Variants in BIRC6 observed in about 807,000 individuals in gnomAD.
BIRC6 encodes the protein dual E2 ubiquitin-conjugating enzyme/E3 ubiquitin-protein ligase BIRC6.
In BIRC6, 98 loss-of-function variants were observed where a neutral mutation model predicts 503.3. The observed-to-expected ratio is 0.19, with a 90% confidence interval of 0.17 to 0.23. The LOEUF is 0.23. BIRC6 is among the 10% of genes least tolerant of loss of function. The pLI, the probability that BIRC6 is intolerant of heterozygous loss-of-function variation, is 1.00. For missense variants in BIRC6, 5,360 were observed against 5,806.0 expected (o/e 0.92, Z 2.50); for synonymous variants, 2,240 against 2,078.7 (o/e 1.08, Z -2.11).
intron 57 of BIRC6, chr2:32,522,466 G>A (rs2055834111): frequency 6.6e-6 from 1 of 152,026 alleles, no homozygotes; most frequent in Admixed American, 6.6e-5. Flanking sequence ...GTAATTATTG[G>A]TAATTTTTAT....
At chr2:32,518,630 T>G (rs1261520194) in intron 56 of BIRC6, among the ~76,000 whole-genome samples, 187 bp from the exon 57 acceptor site, 1 of 151,902 alleles carries the variant, frequency 6.6e-6, no homozygotes, top group Admixed American at 6.5e-5. Context: ...TGGAAAAAAA[T>G]GAAAAAAGGT....
intron 66 of BIRC6, 88 bp downstream of exon 66, chr2:32,575,454 A>G (rs2151038006): frequency 7.7e-7 from 1 of 1,297,808 alleles, no homozygotes; most frequent in East Asian, 2.3e-5. Context: ...TTTCAGTGAT[A>G]TGTGCTTTTT....
Position 32,401,694 on chromosome 2 carries a change from C to G in BIRC6, c.1418+71C>G. On this transcript the variant is annotated intron_variant, in intron 8 of 73. Coordinates refer to ENST00000421745, the MANE Select transcript of BIRC6 (RefSeq NM_016252.4). ...TCCTAAATTTTATATTCTCATAGTT[C>G]TAATAATTAAAGAGGAGGAAAAAAA... The G allele has an allele frequency of 5.9e-6, 8 of 1,351,212 alleles. No individual in the cohort carries two copies. The South Asian group carries it at 7.9e-5, about 13-fold the overall frequency. 83.7% of individuals were successfully genotyped at this position (1,351,212 alleles called of 1,614,324 possible).
At chr2:32,429,082 T>C in intron 10 of BIRC6, 64 bp from the exon 11 acceptor site, 1 of 1,361,060 alleles carries the variant, frequency 7.3e-7, no homozygotes, top group Non-Finnish European at 1.0e-6. Flanking sequence ...CTAAGTAGTA[T>C]TACATTTGAA....
intron 14 of BIRC6, 86 bp downstream of exon 14, chr2:32,435,671 C>A: frequency 7.4e-7 from 1 of 1,349,654 alleles, no homozygotes. Context: ...TTCCTTATGG[C>A]TTGCAAAAAC....
At chr2:32,545,223 A>G (rs944895097) in intron 62 of BIRC6, among the ~76,000 whole-genome samples, 15 of 152,154 alleles carry the variant, frequency 9.9e-5, no homozygotes, top group Non-Finnish European at 8.8e-5. Flanking sequence ...ACACAGTAGA[A>G]CACTGTTGGG....
chr2:32,393,979 A>G (rs1162659525), intron 5 of BIRC6, among the ~76,000 whole-genome samples: 2 of 150,608 alleles, frequency 1.3e-5, no homozygotes, highest in African/African-American at 4.9e-5. Flanking sequence ...TGAATATTTT[A>G]TTCAAAGTTT....
At chr2:32,581,697 G>C (rs1369118462) in intron 66 of BIRC6, among the ~76,000 whole-genome samples, 1 of 152,116 alleles carries the variant, frequency 6.6e-6, no homozygotes, top group South Asian at 2.1e-4. Flanking sequence ...TAGACCATGT[G>C]TGCAAAGCAG....
At chr2:32,389,644 A>C (rs2038953150) in intron 4 of BIRC6, among the ~76,000 whole-genome samples, 1 of 152,218 alleles carries the variant, frequency 6.6e-6, no homozygotes, top group African/African-American at 2.4e-5. Flanking sequence ...GCTGTACTGA[A>C]ATATAATACG....
intron 10 of BIRC6, among the ~76,000 whole-genome samples, chr2:32,421,440 A>C (rs887755953): frequency 5.3e-5 from 8 of 152,030 alleles, no homozygotes; most frequent in Non-Finnish European, 1.0e-4. Flanking sequence ...TATTGGTTTG[A>C]GATGTTTTCT....
intron 23 of BIRC6, 44 bp downstream of exon 23, chr2:32,453,986 C>T (rs776507763): frequency 1.0e-5 from 15 of 1,438,118 alleles, no homozygotes; most frequent in Non-Finnish European, 1.4e-5. Context: ...ATACTTTATG[C>T]AGTAATAAAG....
chr2:32,399,659 A>G (rs2040383766), intron 6 of BIRC6, among the ~76,000 whole-genome samples: 1 of 152,242 alleles, frequency 6.6e-6, no homozygotes, highest in African/African-American at 2.4e-5. Flanking sequence ...AATATAAAGG[A>G]ATCATAAAGT....
intron 5 of BIRC6, among the ~76,000 whole-genome samples, chr2:32,394,530 G>A (rs185287444): frequency 1.1e-4 from 17 of 152,132 alleles, no homozygotes; most frequent in Admixed American, 3.3e-4. Context: ...ATGTGATTGA[G>A]TATTTAATAA....
intron 9 of BIRC6, among the ~76,000 whole-genome samples, chr2:32,407,084 C>T (rs1403604946): frequency 6.6e-6 from 1 of 152,140 alleles, no homozygotes; most frequent in Non-Finnish European, 1.5e-5. Context: ...CCTAACTCTT[C>T]TACTTAATAT....
intron 58 of BIRC6, 21 bp downstream of exon 58, chr2:32,525,040 A>T: frequency 2.7e-6 from 4 of 1,472,988 alleles, no homozygotes; most frequent in South Asian, 1.5e-5. Flanking sequence ...TATTTTTTAT[A>T]ATCTTGATTT....
intron 60 of BIRC6, 111 bp downstream of exon 60, chr2:32,529,935 T>A: frequency 1.5e-6 from 1 of 667,602 alleles, no homozygotes; most frequent in Non-Finnish European, 2.2e-6. Flanking sequence ...ACATAAGATA[T>A]AATTTTTTTA....
In BIRC6 at chr2:32,595,218, T is replaced by C; in HGVS notation, c.13612+74T>C. On this transcript the variant is annotated intron_variant, in intron 68 of 73. Transcript: ENST00000421745. ...TTAACAGTGCTATTGAAATGTGTTTTAGCAAATTAAAGATTTTTAAAATTG... is the reference window on the plus strand; with the variant it reads ...TTAACAGTGCTATTGAAATGTGTTTCAGCAAATTAAAGATTTTTAAAATTG... 1.8e-5 allele frequency: 17 copies of C among 924,156 alleles called. No individual in the cohort carries two copies. In the South Asian group the frequency reaches 2.7e-4, roughly 15 times the overall value. The allele number at this position is 924,156 out of a possible 1,614,324, so 57.2% of individuals were successfully genotyped here.
chr2:32,447,302 G>T (rs2046104664), intron 21 of BIRC6, among the ~76,000 whole-genome samples: 1 of 149,708 alleles, frequency 6.7e-6, no homozygotes, highest in African/African-American at 2.4e-5. Context: ...CCGGGCAGAG[G>T]GGCTCCTCAC....
rs368362389 is a variant in BIRC6 at position 32,464,863 on chromosome 2, A to C, written c.5256+40A>C. ...AAATAGGTGTTGGCTTAGACATTTA[A>C]AAATATCTTGAAATATACTCTAACT... On this transcript the variant is annotated intron_variant, in intron 25 of 73. Transcript: ENST00000421745. The C allele has an allele frequency of 1.2e-4, 181 of 1,546,022 alleles. No homozygotes were observed. In the African/African-American group the frequency reaches 2.3e-3, roughly 19 times the overall value.
Sources: gnomAD v4.1 joint callset for allele counts (sites outside exome capture counted in the v4.1 genomes callset) on GRCh38, gnomAD v4.1.1 for gene constraint, MANE v1.5 for transcripts, NCBI Gene and HGNC (gene_info 2026-07-23, HGNC 2026-07-21) for gene names.